Variants in ABHD4 observed in about 807,000 individuals in gnomAD.
The protein encoded by ABHD4 is (Lyso)-N-acylphosphatidylethanolamine lipase.
ABHD4 carries 35 observed loss-of-function variants against 42.3 expected under a neutral mutation model. The ratio of observed to expected loss-of-function variants is 0.83; its 90% CI spans 0.63 to 1.10. The LOEUF is 1.10. Among genes scored for constraint, ABHD4 ranks in the 50% least tolerant of loss-of-function variants. The pLI, the probability that ABHD4 is intolerant of heterozygous loss-of-function variation, is 0.00. For synonymous variants in ABHD4, 169 were observed against 170.6 expected, an observed-to-expected ratio of 0.99 and a Z score of 0.07; for missense variants, 389 against 454.8, an observed-to-expected ratio of 0.86 and a Z score of 1.32.
intron 1 of ABHD4, chr14:22,598,790 C>G: frequency 3.8e-6 from 1 of 265,834 alleles, no homozygotes; most frequent in South Asian, 4.0e-5. Context: ...GGAGAGGTCT[C>G]CATCGCGCTG....
chr14:22,598,446 G>T, intron 1 of ABHD4, 117 bp downstream of exon 1: 1 of 1,543,494 alleles, frequency 6.5e-7, no homozygotes, highest in Non-Finnish European at 8.7e-7. Flanking sequence ...TTTCCAGGTC[G>T]GCCTCCGGGG....
chr14:22,604,294 A>G (rs1380701459), intron 4 of ABHD4: 1 of 514,994 alleles, frequency 1.9e-6, no homozygotes, highest in Non-Finnish European at 3.4e-6. Flanking sequence ...TCTGTCACCC[A>G]GGCTGGAGTG....
At position 22,611,950 on chromosome 14, in the gene ABHD4, G is replaced by A. The variant is rs1246158341; in HGVS notation, c.*1002G>A. 1 of 152,888 alleles carries A rather than the reference G, an allele frequency of 6.5e-6. No individual in the cohort carries two copies. Among genetic ancestry groups the A allele is most frequent in the East Asian group, 1.9e-4 (1 of 5,208 alleles). 9.5% of individuals were successfully genotyped at this position (152,888 alleles called of 1,614,324 possible). On this transcript the variant is annotated 3_prime_UTR_variant, in exon 7 of 7. Transcript: ENST00000428304. Reference sequence around the variant, plus strand: ...CCCTTCAGCCCCAGGGCCATGTCTGGGTTCTCCATGCCCATCAGTCTCTGC... The same window carrying A: ...CCCTTCAGCCCCAGGGCCATGTCTGAGTTCTCCATGCCCATCAGTCTCTGC...
chr14:22,602,822 C>T (rs917466570), intron 2 of ABHD4, among the ~76,000 whole-genome samples: 4 of 152,090 alleles, frequency 2.6e-5, no homozygotes, highest in Non-Finnish European at 4.4e-5. Flanking sequence ...CAGATTAAAT[C>T]GGTAAAGATC....
rs529069830 is a variant in ABHD4 at position 22,601,296 on chromosome 14, G to A, written c.24-371G>A. On this transcript the variant is annotated intron_variant, in intron 1 of 6. Transcript: ENST00000428304. Reference sequence around the variant, plus strand: ...ACAGCTAGTACTGGGGACAGCAAAGGATAACTGAAACATTAGTTAAAAGAT... The same window carrying A: ...ACAGCTAGTACTGGGGACAGCAAAGAATAACTGAAACATTAGTTAAAAGAT... Among the ~76,000 whole-genome samples, 35 of 152,316 alleles carry A rather than the reference G, an allele frequency of 2.3e-4. No homozygotes were observed. In the South Asian group the frequency reaches 6.6e-3, roughly 29 times the overall value.
In ABHD4 at chr14:22,610,891, T is replaced by C. The variant is rs774293983; in HGVS notation, c.972T>C (p.Ala324=). ...EIKGASHHVY[A]DQPHIFNAVV... is the part of the protein sequence containing the mutation. ...AGGGTGCCTCCCACCATGTCTATGCTGACCAGCCACACATCTTCAATGCTG... is the reference window on the plus strand; with the variant it reads ...AGGGTGCCTCCCACCATGTCTATGCCGACCAGCCACACATCTTCAATGCTG... The change falls in exon 7 of 7, where the codon GCT becomes GCC. Residue 324 remains alanine (A), a synonymous_variant. Transcript: ENST00000428304. The C allele has an allele frequency of 2.5e-6, 4 of 1,614,158 alleles. No individual in the cohort carries two copies. Among genetic ancestry groups the C allele is most frequent in the Non-Finnish European group, 3.4e-6 (4 of 1,180,020 alleles).
At chr14:22,605,920 G>A in intron 4 of ABHD4, 1 of 979,416 alleles carries the variant, frequency 1.0e-6, no homozygotes. Context: ...ACAGTGCCCT[G>A]AGTCTGAGAC....
chr14:22,609,774 G>T lies in ABHD4; in HGVS notation c.803G>T (p.Arg268Leu). 1 of 1,614,118 alleles carries T rather than the reference G, an allele frequency of 6.2e-7. No homozygotes were observed. Among genetic ancestry groups the T allele is most frequent in the Non-Finnish European group, 8.5e-7 (1 of 1,180,026 alleles). Residue 268 changes from arginine (R) to leucine (L), a missense_variant, in exon 6 of 7, where the codon CGC becomes CTC. Arg to Leu is a moderately radical substitution (Grantham distance 102). Coordinates refer to ENST00000428304, the MANE Select transcript of ABHD4 (RefSeq NM_022060.3). ...ATGGAGTCCTTTGGCTGGGCCCGGCGCCCTATGCTGGAGCGAATTCACTTG... is the reference window on the plus strand; with the variant it reads ...ATGGAGTCCTTTGGCTGGGCCCGGCTCCCTATGCTGGAGCGAATTCACTTG... ...AMMESFGWAR[R>L]PMLERIHLIR...
At chr14:22,610,720 C>A (rs749923890) in intron 6 of ABHD4, 139 bp from the exon 7 acceptor site, 4 of 651,880 alleles carry the variant, frequency 6.1e-6, no homozygotes, top group African/African-American at 1.8e-5. Context: ...AAGATCCAAG[C>A]GAGAAAGGTG....
At chr14:22,599,193 T>C (rs2037253364) in intron 1 of ABHD4, among the ~76,000 whole-genome samples, 1 of 152,238 alleles carries the variant, frequency 6.6e-6, no homozygotes, top group South Asian at 2.1e-4. Flanking sequence ...TTGCTGGGCT[T>C]GAAAGAAATG....
chr14:22,604,574 T>G (rs767201979), intron 4 of ABHD4, among the ~76,000 whole-genome samples: 2 of 150,024 alleles, frequency 1.3e-5, no homozygotes, highest in Non-Finnish European at 1.5e-5. Flanking sequence ...ATTTTTTCTC[T>G]TCATCGGCAT....
chr14:22,604,525 G>A (rs1456413207), intron 4 of ABHD4, among the ~76,000 whole-genome samples: 1 of 152,036 alleles, frequency 6.6e-6, no homozygotes. Context: ...GGGATTACAG[G>A]CGTGAGCCAC....
At chr14:22,607,439 G>A (rs188361119) in intron 5 of ABHD4, among the ~76,000 whole-genome samples, 6 of 152,310 alleles carry the variant, frequency 3.9e-5, no homozygotes, top group Admixed American at 3.9e-4. Context: ...CAAGTCACTT[G>A]TTGGGAGCCC....
At position 22,612,044 on chromosome 14, in the gene ABHD4, C is replaced by G. The variant is rs17120416; in HGVS notation, c.*1096C>G. ...CTGCCCATGGCCCAATGGGGAGCCT[C>G]CAGCCACAAGTTCCCTGTCCTTATC... is the stretch of plus-strand genomic sequence containing the variant. On this transcript the variant is annotated 3_prime_UTR_variant, in exon 7 of 7. Transcript: ENST00000428304. 5.3e-3 allele frequency: 813 copies of G among 152,920 alleles called. 5 individuals are homozygous for G. Among genetic ancestry groups the G allele is most frequent in the African/African-American group, 0.019 (771 of 41,580 alleles). The allele number at this position is 152,920 out of a possible 1,614,324, so 9.5% of individuals were successfully genotyped here.
At position 22,609,752 on chromosome 14, in the gene ABHD4, G is replaced by C; in HGVS notation, c.781G>C (p.Glu261Gln). Residue 261 changes from glutamate (E) to glutamine (Q), a missense_variant, in exon 6 of 7, where the codon GAG becomes CAG. Coordinates refer to ENST00000428304, the MANE Select transcript of ABHD4 (RefSeq NM_022060.3). ...SGETAFKAMM[E>Q]SFGWARRPML... The stretch of plus-strand genomic sequence containing the variant: ...TGAGACAGCATTCAAAGCCATGATG[G>C]AGTCCTTTGGCTGGGCCCGGCGCCC... The C allele has an allele frequency of 6.2e-7, 1 of 1,614,078 alleles. No individual in the cohort carries two copies. The highest frequency in any genetic ancestry group is 8.5e-7 in the Non-Finnish European group (1 of 1,180,016).
In ABHD4 at chr14:22,601,675, G is replaced by A. The variant is rs1271265653; in HGVS notation, c.32G>A (p.Gly11Asp). Residue 11 changes from glycine to aspartate, a missense_variant, in exon 2 of 7, where the codon GGC becomes GAC. By Grantham distance (94) the Gly-to-Asp change is moderately conservative. This residue lies in a region of ABHD4 where 102 missense variants were observed against 128.3 expected (regional missense o/e 0.80). Transcript: ENST00000428304. MADDLEQQSQ[G>D]WLSSWLPTWR... ...CTGTCTCCTCCTCCCAGGTCTCAAG[G>A]CTGGCTGAGTAGCTGGCTGCCCACG... The A allele has an allele frequency of 1.2e-6, 2 of 1,614,118 alleles. No homozygotes were observed. Among genetic ancestry groups the A allele is most frequent in the South Asian group, 2.2e-5 (2 of 91,082 alleles).
chr14:22,604,242 T>C (rs2037321957), intron 4 of ABHD4, 163 bp downstream of exon 4: 1 of 864,686 alleles, frequency 1.2e-6, no homozygotes, highest in East Asian at 2.7e-5. Flanking sequence ...GAAGGTTTTT[T>C]GTTTTTTTGT....
At chr14:22,598,802 A>T in intron 1 of ABHD4, 2 of 242,376 alleles carry the variant, frequency 8.3e-6, no homozygotes, top group South Asian at 9.7e-5. Context: ...ATCGCGCTGA[A>T]ATTGGTGTGG....
At chr14:22,606,898 T>C (rs571010101) in intron 5 of ABHD4, among the ~76,000 whole-genome samples, 2 of 152,068 alleles carry the variant, frequency 1.3e-5, no homozygotes, top group African/African-American at 4.8e-5. Context: ...TCAAAAATAA[T>C]TAGCAAAAAC....
Sources: gnomAD v4.1 joint callset for allele counts (sites outside exome capture counted in the v4.1 genomes callset) on GRCh38, gnomAD v4.1.1 for gene constraint, gnomAD v4.1.1 regional missense constraint, MANE v1.5 for transcripts, NCBI Gene and HGNC (gene_info 2026-07-23, HGNC 2026-07-21) for gene names.